The following MARCHF3 variants were observed in gnomAD, a reference collection of about 807,000 sequenced individuals.
MARCHF3 encodes the protein E3 ubiquitin-protein ligase MARCHF3.
A neutral mutation model predicts 24.2 loss-of-function variants in MARCHF3; 13 were observed. The ratio of observed to expected loss-of-function variants is 0.54; its 90% confidence interval spans 0.35 to 0.85. MARCHF3 has a LOEUF of 0.85. MARCHF3 is among the 40% of genes least tolerant of loss of function. MARCHF3 has a pLI of 0.01. For missense variants in MARCHF3, 276 were observed against 325.0 expected (o/e 0.85, Z 1.16); for synonymous variants, 144 against 137.3 (o/e 1.05, Z -0.34).
chr5:126,967,986 A>G (rs965747924), intron 1 of MARCHF3, among the ~76,000 whole-genome samples: 1 of 152,002 alleles, frequency 6.6e-6, no homozygotes, highest in African/African-American at 2.4e-5. Context: ...CTCCCCTTCC[A>G]CCAGCCCCGG....
At chr5:126,893,222 G>C (rs1317186965) in intron 3 of MARCHF3, among the ~76,000 whole-genome samples, 1 of 151,534 alleles carries the variant, frequency 6.6e-6, no homozygotes, top group Non-Finnish European at 1.5e-5. Context: ...CAATCTTGTT[G>C]ATCCTTTCAA....
intron 1 of MARCHF3, among the ~76,000 whole-genome samples, chr5:127,016,268 A>C (rs1298372203): frequency 6.6e-6 from 1 of 152,208 alleles, no homozygotes; most frequent in African/African-American, 2.4e-5. Context: ...AGTTCAAATG[A>C]AAAATTATGT....
intron 3 of MARCHF3, among the ~76,000 whole-genome samples, chr5:126,888,910 A>G (rs1156506319): frequency 6.6e-6 from 1 of 152,172 alleles, no homozygotes; most frequent in Admixed American, 6.5e-5. Flanking sequence ...GATTACACAC[A>G]TGCACCACCA....
At chr5:126,919,362 C>T (rs1382672556) in intron 1 of MARCHF3, among the ~76,000 whole-genome samples, 2 of 152,160 alleles carry the variant, frequency 1.3e-5, no homozygotes, top group East Asian at 1.9e-4. Flanking sequence ...CTCCCGAGCT[C>T]GACATGGCCT....
intron 3 of MARCHF3, among the ~76,000 whole-genome samples, chr5:126,888,202 CAT>C (rs1262698002): frequency 6.6e-6 from 1 of 152,212 alleles, no homozygotes; most frequent in Non-Finnish European, 1.5e-5. Flanking sequence ...TTGCCACACA[CAT>C]GTGCACAGCA....
chr5:126,969,044 G>A (rs182753522), intron 1 of MARCHF3, among the ~76,000 whole-genome samples: 7 of 152,218 alleles, frequency 4.6e-5, no homozygotes, highest in Admixed American at 2.0e-4. Flanking sequence ...TTGTGCTTTA[G>A]GTGGCATATC....
chr5:126,899,762 T>C (rs970989104), intron 3 of MARCHF3, among the ~76,000 whole-genome samples: 1 of 152,074 alleles, frequency 6.6e-6, no homozygotes, highest in Non-Finnish European at 1.5e-5. Context: ...ACAGACTTTA[T>C]TTTTTAGAGC....
chr5:126,922,549 TTTA>T lies in MARCHF3; in HGVS notation c.-56-4325_-56-4323del, dbSNP rs1055140197. 1.4e-3 allele frequency among the ~76,000 whole-genome samples: 212 copies of T among 149,428 alleles called. 1 individual carries two copies. The highest frequency in any genetic ancestry group is 4.9e-3 in the African/African-American group (200 of 40,804). On this transcript the variant is annotated intron_variant, in intron 1 of 4. Coordinates refer to ENST00000308660, the MANE Select transcript of MARCHF3 (RefSeq NM_178450.5). ...ATTTATTTATTTATTTATTTATTTATTTATTATTTATTTTTGAGTCGGAGTCTC... is the reference window on the plus strand; with the variant it reads ...ATTTATTTATTTATTTATTTATTTATTTATTTATTTTTGAGTCGGAGTCTC...
Position 126,961,248 on chromosome 5 carries a change from T to C in MARCHF3, c.-56-43021A>G, listed in dbSNP as rs534266943. ...AATTCCCTCCCCTCTTCACAAAAGATATTTTGTTGAAAAGGTTTCAACACA... is the reference window on the plus strand; with the variant it reads ...AATTCCCTCCCCTCTTCACAAAAGACATTTTGTTGAAAAGGTTTCAACACA... On this transcript the variant is annotated intron_variant, in intron 1 of 4. Transcript: ENST00000308660. 5.3e-5 allele frequency among the ~76,000 whole-genome samples: 8 copies of C among 152,260 alleles called. No individual in the cohort carries two copies. The East Asian group carries it at 1.5e-3, about 29-fold the overall frequency.
chr5:126,903,125 C>G (rs185742151), intron 3 of MARCHF3, among the ~76,000 whole-genome samples: 3 of 152,118 alleles, frequency 2.0e-5, no homozygotes, highest in Admixed American at 1.3e-4. Context: ...CTATAATACT[C>G]TGAAAGGAAG....
At chr5:126,984,038 T>C (rs1458048609) in intron 1 of MARCHF3, among the ~76,000 whole-genome samples, 1 of 150,564 alleles carries the variant, frequency 6.6e-6, no homozygotes, top group Non-Finnish European at 1.5e-5. Context: ...TGGATAGGAC[T>C]GGGGTGGGGG....
chr5:126,944,499 C>G (rs573275046), intron 1 of MARCHF3, among the ~76,000 whole-genome samples: 1 of 152,308 alleles, frequency 6.6e-6, no homozygotes, highest in East Asian at 1.9e-4. Flanking sequence ...AGGGGAACTG[C>G]TTGAGCCCAG....
At chr5:127,028,645 G>A (rs1166709698) in intron 1 of MARCHF3, among the ~76,000 whole-genome samples, 2 of 150,426 alleles carry the variant, frequency 1.3e-5, no homozygotes, top group Non-Finnish European at 2.9e-5. Context: ...TGATATACAT[G>A]CCATACTGCA....
intron 1 of MARCHF3, among the ~76,000 whole-genome samples, chr5:127,013,407 G>A (rs1051967202): frequency 2.0e-5 from 3 of 152,148 alleles, no homozygotes; most frequent in African/African-American, 7.2e-5. Context: ...AAAGGCAGTT[G>A]ACAAGAGCTT....
In MARCHF3 at chr5:126,979,428, C is replaced by A. The variant is rs73786256; in HGVS notation, c.-57+50922G>T. Among the ~76,000 whole-genome samples, 1,271 of 152,252 alleles carry A rather than the reference C, an allele frequency of 8.3e-3. 18 individuals carry two copies. The highest frequency in any genetic ancestry group is 0.025 in the East Asian group (132 of 5,180). On this transcript the variant is annotated intron_variant, in intron 1 of 4. Coordinates refer to ENST00000308660, the MANE Select transcript of MARCHF3 (RefSeq NM_178450.5). The stretch of plus-strand genomic sequence containing the variant: ...GGAAAACGAAGTCTTAAATGCAGAT[C>A]CATTTTGGGAAGACTGTAAACCCTC...
Position 126,879,119 on chromosome 5 carries a change from A to G in MARCHF3, c.394-725T>C, listed in dbSNP as rs553635251. 9.2e-5 allele frequency among the ~76,000 whole-genome samples: 14 copies of G among 152,270 alleles called. No individual in the cohort carries two copies. The East Asian group carries it at 2.7e-3, about 29-fold the overall frequency. Reference sequence around the variant, plus strand: ...AGGTGAGCTTCCCAGATTGGCAAATACTTCGCCCATGTTGTCACAAATCAT... The same window carrying G: ...AGGTGAGCTTCCCAGATTGGCAAATGCTTCGCCCATGTTGTCACAAATCAT... On this transcript the variant is annotated intron_variant, in intron 3 of 4. Transcript: ENST00000308660.
chr5:126,873,350 G>T (rs1753035941), intron 4 of MARCHF3, among the ~76,000 whole-genome samples: 1 of 151,460 alleles, frequency 6.6e-6, no homozygotes, highest in African/African-American at 2.4e-5. Flanking sequence ...GGTATTTTGT[G>T]TGTCTTAAAT....
At chr5:126,993,289 A>T (rs1195596984) in intron 1 of MARCHF3, among the ~76,000 whole-genome samples, 1 of 152,218 alleles carries the variant, frequency 6.6e-6, no homozygotes, top group Admixed American at 6.5e-5. Context: ...TCCTATTTCA[A>T]CCATATGAAA....
chr5:126,932,135 C>T (rs1749497518), intron 1 of MARCHF3, among the ~76,000 whole-genome samples: 1 of 152,220 alleles, frequency 6.6e-6, no homozygotes, highest in Non-Finnish European at 1.5e-5. Context: ...TGCCCTGTTG[C>T]TTTTGCTATT....
Sources: gnomAD v4.1 joint callset for allele counts (sites outside exome capture counted in the v4.1 genomes callset) on GRCh38, gnomAD v4.1.1 for gene constraint, MANE v1.5 for transcripts, NCBI Gene and HGNC (gene_info 2026-07-23, HGNC 2026-07-21) for gene names.